Variants in HCN3 observed in about 807,000 individuals in gnomAD.
The protein encoded by HCN3 is potassium/sodium hyperpolarization-activated cyclic nucleotide-gated channel 3.
Under a neutral mutation model 56.8 loss-of-function variants are expected in HCN3, and 36 were observed. That is an observed-to-expected ratio of 0.63 (90% CI 0.49 to 0.84). The LOEUF is 0.84. HCN3 is among the 40% of genes least tolerant of loss of function. The pLI is 0.00. For synonymous variants in HCN3, 425 were observed against 439.7 expected (o/e 0.97, Z 0.42); for missense variants, 930 against 1,079.3 (o/e 0.86, Z 1.94).
chr1:155,285,729 C>T lies in HCN3; in HGVS notation c.1242C>T (p.Ile414=). The stretch of plus-strand genomic sequence containing the variant: ...CAGGCCCCTCCCCTGTCCAGGAGAT[C>T]ATTAACTTCACCTGTCGGGGCCTGG... ...GELSEPLREE[I]INFTCRGLVA... Residue 414 remains isoleucine (I), a synonymous_variant, in exon 6 of 8, where the codon ATC becomes ATT. Coordinates refer to ENST00000368358, the MANE Select transcript of HCN3 (RefSeq NM_020897.3). This position sits in a 1 kb window ranked among gnomAD's most constrained non-coding sequence, Gnocchi z 4.5. The T allele has an allele frequency of 6.2e-7, 1 of 1,614,100 alleles. No homozygotes were observed. Among genetic ancestry groups the T allele is most frequent in the Middle Eastern group, 1.7e-4 (1 of 6,054 alleles).
At chr1:155,278,243 C>T (rs913360149) in intron 1 of HCN3, 5 of 274,928 alleles carry the variant, frequency 1.8e-5, no homozygotes, top group Non-Finnish European at 3.5e-5. Context: ...TTCTAAGTAT[C>T]GGGGCCAGTC....
At position 155,285,938 on chromosome 1, in the gene HCN3, G is replaced by T; in HGVS notation, c.1451G>T (p.Arg484Leu). 1.9e-6 allele frequency: 3 copies of T among 1,597,904 alleles called. No homozygotes were observed. The highest frequency in any genetic ancestry group is 2.6e-6 in the Non-Finnish European group (3 of 1,168,348). ...CTGGCCCGCGGCGCCCGGGACACAC[G>T]CCTCACCGATGGATCCTACTTTGGG... ...SVLARGARDTRLTDGSYFGEI... is the reference protein window; with the variant it reads ...SVLARGARDTLLTDGSYFGEI... The change falls in exon 6 of 8, where the codon CGC (arginine) becomes CTC (leucine). Residue 484 changes from arginine to leucine, a missense_variant. Transcript: ENST00000368358. This position sits in a 1 kb window ranked among gnomAD's most constrained non-coding sequence, Gnocchi z 4.5.
chr1:155,285,427 C>A lies in HCN3; in HGVS notation c.1236+116C>A. 2.9e-6 allele frequency: 4 copies of A among 1,363,320 alleles called. No homozygotes were observed. Among genetic ancestry groups the A allele is most frequent in the East Asian group, 4.9e-5 (2 of 40,480 alleles). 84.5% of individuals were successfully genotyped at this position (1,363,320 alleles called of 1,614,324 possible). On this transcript the variant is annotated intron_variant, in intron 5 of 7. Coordinates refer to ENST00000368358, the MANE Select transcript of HCN3 (RefSeq NM_020897.3). This position sits in a 1 kb window ranked among gnomAD's most constrained non-coding sequence, Gnocchi z 4.5. The stretch of plus-strand genomic sequence containing the variant: ...AGGGAATGAGGCCTGCAGAGGGCCC[C>A]GTGGGAGGCCAGGTATTTGGGCTTT...
At position 155,285,876 on chromosome 1, in the gene HCN3, G is replaced by A; in HGVS notation, c.1389G>A (p.Arg463=). 1.2e-6 allele frequency: 2 copies of A among 1,614,220 alleles called. No homozygotes were observed. Among genetic ancestry groups the A allele is most frequent in the Non-Finnish European group, 8.5e-7 (1 of 1,180,026 alleles). ...DLVVREGSVG[R]KMYFIQHGLL... ...TGGTGCGTGAGGGCTCCGTGGGGAG[G>A]AAGATGTACTTCATCCAGCATGGGC... Residue 463 remains arginine (R), a synonymous_variant, in exon 6 of 8, where the codon AGG becomes AGA. Transcript: ENST00000368358. The surrounding 1 kb of genome is among the most constrained non-coding windows in gnomAD (Gnocchi z 4.5).
Position 155,282,628 on chromosome 1 carries a change from A to G in HCN3, c.496A>G (p.Thr166Ala), listed in dbSNP as rs763400924. ...EILLAPRAIRTRYLRTWFLVD... is the reference protein window; with the variant it reads ...EILLAPRAIRARYLRTWFLVD... ...CCTGCTGGCACCGCGGGCCATCCGC[A>G]CGCGCTACCTGCGCACCTGGTTCCT... The change falls in exon 2 of 8, where the codon ACG becomes GCG. Residue 166 changes from threonine (T) to alanine (A), a missense_variant. Physicochemically the swap from Thr to Ala is moderately conservative, Grantham distance 58. Coordinates refer to ENST00000368358, the MANE Select transcript of HCN3 (RefSeq NM_020897.3). The surrounding 1 kb of genome is among the most constrained non-coding windows in gnomAD (Gnocchi z 4.7). 6.2e-7 allele frequency: 1 copy of G among 1,614,236 alleles called. No homozygotes were observed. Among genetic ancestry groups the G allele is most frequent in the East Asian group, 2.2e-5 (1 of 44,882 alleles).
In HCN3 at chr1:155,285,080, T is replaced by C; in HGVS notation, c.1090-85T>C. On this transcript the variant is annotated intron_variant, in intron 4 of 7. Coordinates refer to ENST00000368358, the MANE Select transcript of HCN3 (RefSeq NM_020897.3). The surrounding 1 kb of genome is among the most constrained non-coding windows in gnomAD (Gnocchi z 4.5). ...CCCCTTTGAGTTTGACCTGTGTCTC[T>C]GACCTTCCGCACACACACCCCACTG... The C allele has an allele frequency of 6.6e-7, 1 of 1,514,462 alleles. No homozygotes were observed. Among genetic ancestry groups the C allele is most frequent in the Non-Finnish European group, 9.0e-7 (1 of 1,110,918 alleles). The allele number at this position is 1,514,462 out of a possible 1,614,324, so 93.8% of individuals were successfully genotyped here. A position where few individuals can be genotyped will look rare whatever the true frequency, so the allele number is the denominator to read the frequency against.
rs1343245737 is a variant in HCN3, at chr1:155,277,830, A to T, written c.240A>T (p.Ser80=). The stretch of plus-strand genomic sequence containing the variant: ...AAATCGAGCAGGAGCGGGTGAAGTC[A>T]GCGGGGGCCTGGATCATCCACCCCT... ...AVEIEQERVK[S]AGAWIIHPYS... The change falls in exon 1 of 8, where the codon TCA becomes TCT. Residue 80 remains serine (S), a synonymous_variant. Transcript: ENST00000368358. 1 of 1,612,320 alleles carries T rather than the reference A, an allele frequency of 6.2e-7. No homozygotes were observed.
chr1:155,281,750 T>G (rs939001347), intron 1 of HCN3, among the ~76,000 whole-genome samples: 2 of 152,070 alleles, frequency 1.3e-5, no homozygotes, highest in Admixed American at 1.3e-4. Flanking sequence ...TGATCCCACT[T>G]TGGCCTCCCA....
chr1:155,287,994 A>G lies in HCN3; in HGVS notation c.1856A>G (p.Asn619Ser). The change falls in exon 8 of 8, where the codon AAT (asparagine) becomes AGT (serine). Residue 619 changes from asparagine (N) to serine (S), a missense_variant. By Grantham distance (46) the Asn-to-Ser change is conservative (BLOSUM62 1). Transcript: ENST00000368358. The part of the protein sequence containing the change: ...APLQAAAVTS[N>S]VAIALTHQRG... Reference sequence around the variant, plus strand: ...CTTCAGGCAGCTGCTGTGACCTCCAATGTGGCCATTGCCCTGACTCATCAG... The same window carrying G: ...CTTCAGGCAGCTGCTGTGACCTCCAGTGTGGCCATTGCCCTGACTCATCAG... The G allele has an allele frequency of 3.1e-6, 5 of 1,613,886 alleles. No homozygotes were observed. Among genetic ancestry groups the G allele is most frequent in the Admixed American group, 1.7e-5 (1 of 59,992 alleles).
At chr1:155,286,016 G>A in intron 6 of HCN3, 52 bp downstream of exon 6, 1 of 1,530,874 alleles carries the variant, frequency 6.5e-7, no homozygotes. Context: ...AGTGGAGAGG[G>A]CAACTGCTCC....
At chr1:155,287,710 T>C (rs1318729799) in intron 7 of HCN3, 71 bp from the exon 8 acceptor site, 13 of 1,496,434 alleles carry the variant, frequency 8.7e-6, no homozygotes, top group Admixed American at 2.1e-5. Flanking sequence ...ACTCTCATAC[T>C]CTTTGATATC....
At position 155,288,633 on chromosome 1, in the gene HCN3, A is replaced by C; in HGVS notation, c.*170A>C. 1 of 786,626 alleles carries C rather than the reference A, an allele frequency of 1.3e-6. No homozygotes were observed. The highest frequency in any genetic ancestry group is 2.0e-6 in the Non-Finnish European group (1 of 511,420). The allele number at this position is 786,626 out of a possible 1,614,324, so 48.7% of individuals were successfully genotyped here. A position where few individuals can be genotyped will look rare whatever the true frequency, so the allele number is the denominator to read the frequency against. ...AAGACGGTCTCTGTGTCCTCAGCTC[A>C]AGAATCCTGTAGCTTGTCCCATCAT... On this transcript the variant is annotated 3_prime_UTR_variant, in exon 8 of 8. Coordinates refer to ENST00000368358, the MANE Select transcript of HCN3 (RefSeq NM_020897.3). The surrounding 1 kb of genome is among the most constrained non-coding windows in gnomAD (Gnocchi z 6.5).
chr1:155,277,623 C>G lies in HCN3; in HGVS notation c.33C>G (p.Ala11=). The part of the protein sequence containing the change: MEAEQRPAAG[A]SEGATPGLEA... ...CAGAGCAGCGGCCGGCGGCGGGGGCCAGCGAAGGGGCGACCCCTGGACTGG... is the reference window on the plus strand; with the variant it reads ...CAGAGCAGCGGCCGGCGGCGGGGGCGAGCGAAGGGGCGACCCCTGGACTGG... The change falls in exon 1 of 8, where the codon GCC becomes GCG. Residue 11 remains alanine, a synonymous_variant. Coordinates refer to ENST00000368358, the MANE Select transcript of HCN3 (RefSeq NM_020897.3). The G allele has an allele frequency of 6.4e-7, 1 of 1,555,364 alleles. No individual in the cohort carries two copies. The highest frequency in any genetic ancestry group is 8.7e-7 in the Non-Finnish European group (1 of 1,150,602).
chr1:155,286,279 G>A (rs1401264568), intron 6 of HCN3, among the ~76,000 whole-genome samples: 1 of 152,106 alleles, frequency 6.6e-6, no homozygotes, highest in Non-Finnish European at 1.5e-5. Context: ...CCGAGTAGCT[G>A]GGACCACAGG....
rs1457099864 is a variant in HCN3 at position 155,287,349 on chromosome 1, C to T, written c.1642+12C>T. On this transcript the variant is annotated intron_variant, in intron 7 of 7. Coordinates refer to ENST00000368358, the MANE Select transcript of HCN3 (RefSeq NM_020897.3). The stretch of plus-strand genomic sequence containing the variant: ...GCTGCTCCGCATCGGTGAGACCTGT[C>T]CACCCCATCTGCTCTGGGTCCAGAC... 6.2e-7 allele frequency: 1 copy of T among 1,613,424 alleles called. No homozygotes were observed.
Position 155,288,323 on chromosome 1 carries a change from C to T in HCN3, c.2185C>T (p.Pro729Ser). 1 of 1,613,786 alleles carries T rather than the reference C, an allele frequency of 6.2e-7. No individual in the cohort carries two copies. Among genetic ancestry groups the T allele is most frequent in the Non-Finnish European group, 8.5e-7 (1 of 1,179,950 alleles). The change falls in exon 8 of 8, where the codon CCT (proline) becomes TCT (serine). Residue 729 changes from proline to serine, a missense_variant. Coordinates refer to ENST00000368358, the MANE Select transcript of HCN3 (RefSeq NM_020897.3). This position sits in a 1 kb window ranked among gnomAD's most constrained non-coding sequence, Gnocchi z 6.5. ...TCAGCGGGCAACAGGCGATGGCTCT[C>T]CTGGGCGTAAGGGATCAGGAAGTGA... ...LPQRATGDGS[P>S]GRKGSGSERL...
chr1:155,287,272 T>G lies in HCN3; in HGVS notation c.1577T>G (p.Leu526Arg), dbSNP rs1674321937. 1 of 1,614,040 alleles carries G rather than the reference T, an allele frequency of 6.2e-7. No individual in the cohort carries two copies. The highest frequency in any genetic ancestry group is 1.1e-5 in the South Asian group (1 of 91,082). ...AGCGTGGACCATTTCAATGCTGTGCTTGAGGAGTTCCCCATGATGCGCCGG... is the reference window on the plus strand; with the variant it reads ...AGCGTGGACCATTTCAATGCTGTGCGTGAGGAGTTCCCCATGATGCGCCGG... ...SLSVDHFNAV[L>R]EEFPMMRRAF... The change falls in exon 7 of 8, where the codon CTT becomes CGT. Residue 526 changes from leucine (L) to arginine (R), a missense_variant. By Grantham distance (102) the Leu-to-Arg change is moderately radical (BLOSUM62 -2). Coordinates refer to ENST00000368358, the MANE Select transcript of HCN3 (RefSeq NM_020897.3).
At position 155,282,525 on chromosome 1, in the gene HCN3, A is replaced by G; in HGVS notation, c.393A>G (p.Val131=). The change falls in exon 2 of 8, where the codon GTA becomes GTG. Residue 131 remains valine (V), a synonymous_variant. Transcript: ENST00000368358. This position sits in a 1 kb window ranked among gnomAD's most constrained non-coding sequence, Gnocchi z 4.7. ...CCCCGCCTTGGATCGTCTTCAACGT[A>G]TTGTCTGATACTTTCTTCCTACTGG... is the stretch of plus-strand genomic sequence containing the variant. The part of the protein sequence containing the change: ...ENSPPWIVFN[V]LSDTFFLLDL... The G allele has an allele frequency of 9.3e-6, 15 of 1,614,160 alleles. No homozygotes were observed. Among genetic ancestry groups the G allele is most frequent in the Non-Finnish European group, 1.1e-5 (13 of 1,180,036 alleles).
chr1:155,285,591 C>T lies in HCN3; in HGVS notation c.1237-133C>T. On this transcript the variant is annotated intron_variant, in intron 5 of 7. Coordinates refer to ENST00000368358, the MANE Select transcript of HCN3 (RefSeq NM_020897.3). This position sits in a 1 kb window ranked among gnomAD's most constrained non-coding sequence, Gnocchi z 4.5. Reference sequence around the variant, plus strand: ...GAAGGCAGGAGCTTAGGGATGGTCCCAGGCCCACTGATGCCTCCCCATCCT... The same window carrying T: ...GAAGGCAGGAGCTTAGGGATGGTCCTAGGCCCACTGATGCCTCCCCATCCT... 1 of 1,271,540 alleles carries T rather than the reference C, an allele frequency of 7.9e-7. No individual in the cohort carries two copies. Among genetic ancestry groups the T allele is most frequent in the African/African-American group, 1.5e-5 (1 of 67,452 alleles). The allele number at this position is 1,271,540 out of a possible 1,614,324, so 78.8% of individuals were successfully genotyped here. A position where few individuals can be genotyped will look rare whatever the true frequency, so the allele number is the denominator to read the frequency against.
Sources: allele counts gnomAD v4.1 joint callset (sites outside exome capture counted in the v4.1 genomes callset), GRCh38; gene constraint gnomAD v4.1.1; non-coding constraint Gnocchi (gnomAD v3.1); transcripts MANE v1.5; gene names NCBI Gene and HGNC (gene_info 2026-07-23, HGNC 2026-07-21).